The following PHF8 variants were observed in gnomAD, a reference collection of about 807,000 sequenced individuals.
PHF8 encodes PHD finger protein 8.
PHF8 carries 9 observed loss-of-function variants against 74.4 expected under a neutral mutation model. The observed-to-expected ratio is 0.12, with a 90% CI of 0.07 to 0.21. PHF8 has a LOEUF of 0.21. Ranked by LOEUF, PHF8 falls within the 10% of genes least tolerant of loss-of-function variation. The pLI, the probability that PHF8 is intolerant of heterozygous loss-of-function variation, is 1.00. For synonymous variants in PHF8, 311 were observed against 316.6 expected (o/e 0.98, Z 0.19); for missense variants, 478 against 816.6 (o/e 0.59, Z 5.05).
At chrX:53,954,334 C>T (rs1371025064) in intron 19 of PHF8, among the ~76,000 whole-genome samples, 1 of 107,649 alleles carries the variant, frequency 9.3e-6, no homozygotes, top group Non-Finnish European at 1.9e-5. Context: ...CCCATCTCTA[C>T]TAAAAAATAC....
intron 18 of PHF8, among the ~76,000 whole-genome samples, chrX:53,970,080 G>A (rs2065270148): frequency 9.0e-6 from 1 of 111,627 alleles, no homozygotes; most frequent in Non-Finnish European, 1.9e-5. Flanking sequence ...AGATTGTTTT[G>A]GAGTAAGAAC....
At chrX:53,951,456 A>AT (rs1216572234) in intron 19 of PHF8, among the ~76,000 whole-genome samples, 270 of 105,347 alleles carry the variant, frequency 2.6e-3, no homozygotes, top group African/African-American at 8.6e-3. Context: ...GACAACAGAA[A>AT]TTTTTTTTTT....
At chrX:53,985,510 C>G (rs1320478696) in intron 17 of PHF8, among the ~76,000 whole-genome samples, 3 of 111,718 alleles carry the variant, frequency 2.7e-5, no homozygotes, top group African/African-American at 9.8e-5. Context: ...AGGCATGCTG[C>G]ATTCTTTCCT....
rs782291352 is a variant in PHF8, at chrX:53,992,828, A to T, written c.1638T>A (p.Thr546=). The T allele has an allele frequency of 8.4e-7, 1 of 1,188,075 alleles. No homozygotes were observed. Among genetic ancestry groups the T allele is most frequent in the East Asian group, 3.0e-5 (1 of 33,717 alleles). The change falls in exon 14 of 22, where the codon ACT becomes ACA. Residue 546 remains threonine, a synonymous_variant. Transcript: ENST00000338154. The part of the protein sequence containing the change: ...GSFQKAKFNI[T]GACLNDSDDD... ...CATCTGAGTCATTCAAGCAGGCACCAGTGATGTTGAACTGTAGAAGTAGGA... is the reference window on the plus strand; with the variant it reads ...CATCTGAGTCATTCAAGCAGGCACCTGTGATGTTGAACTGTAGAAGTAGGA...
chrX:54,039,622 G>A (rs1557115315), intron 2 of PHF8: 1 of 112,054 alleles, frequency 8.9e-6, no homozygotes, highest in African/African-American at 3.2e-5. Context: ...GTATCTACTA[G>A]GCAAAGATGC....
chrX:54,027,604 A>C (rs146914236), intron 2 of PHF8, among the ~76,000 whole-genome samples: 80 of 111,389 alleles, frequency 7.2e-4, no homozygotes, highest in African/African-American at 2.5e-3. Flanking sequence ...TGCAATAAGT[A>C]CTTCTCTGCT....
intron 18 of PHF8, among the ~76,000 whole-genome samples, chrX:53,967,132 G>A (rs1379277989): frequency 9.1e-6 from 1 of 109,750 alleles, no homozygotes; most frequent in Admixed American, 9.5e-5. Flanking sequence ...CCCCATCCGG[G>A]AGGGAGGTGG....
Position 54,025,699 on chromosome X carries a change from C to T in PHF8, c.99-2856G>A, listed in dbSNP as rs1284571544. Among the ~76,000 whole-genome samples the T allele has an allele frequency of 2.7e-5, 3 of 111,680 alleles. No homozygotes were observed. In the Admixed American group the frequency reaches 2.9e-4, roughly 11 times the overall value. ...CTCATGACCATCCCCCAGACCCTGT[C>T]AACACCAGCAACTGCTGTACCTCTG... is the stretch of plus-strand genomic sequence containing the variant. On this transcript the variant is annotated intron_variant, in intron 2 of 21. Coordinates refer to ENST00000338154, the MANE Select transcript of PHF8 (RefSeq NM_015107.3).
rs782468443 is a variant in PHF8, at chrX:53,989,697, TA to T, written c.1731-1754del. On this transcript the variant is annotated intron_variant, in intron 14 of 21. Coordinates refer to ENST00000338154, the MANE Select transcript of PHF8 (RefSeq NM_015107.3). ...CAGTTAAAAAGAAACATGTTTTTGG[TA>T]AATCAGTAAATTGATACATTTAGCA... 1.3e-3 allele frequency among the ~76,000 whole-genome samples: 151 copies of T among 112,129 alleles called. 1 individual carries two copies. In the Middle Eastern group the frequency reaches 0.028, roughly 21 times the overall value.
chrX:53,989,264 A>G (rs2065621536), intron 14 of PHF8, among the ~76,000 whole-genome samples: 1 of 111,544 alleles, frequency 9.0e-6, no homozygotes, highest in Admixed American at 9.6e-5. Flanking sequence ...CCGGGCCACA[A>G]TTTTTATTTT....
chrX:53,995,230 C>T (rs1569527562), intron 12 of PHF8: 1 of 341,404 alleles, frequency 2.9e-6, no homozygotes, highest in Admixed American at 3.2e-5. Flanking sequence ...AATGCAGAGA[C>T]TGAGTCAAAA....
chrX:54,021,454 A>ATTTTTTTTTT (rs1156928686), intron 4 of PHF8, among the ~76,000 whole-genome samples: 2 of 42,166 alleles, frequency 4.7e-5, no homozygotes, highest in Admixed American at 3.7e-4. Context: ...AGTTGCAATT[A>ATTTTTTTTTT]TTTTTTTTTT....
intron 19 of PHF8, among the ~76,000 whole-genome samples, chrX:53,954,556 G>T (rs1315808524): frequency 1.1e-5 from 1 of 94,478 alleles, no homozygotes; most frequent in Non-Finnish European, 2.1e-5. Flanking sequence ...AACTAGAGAT[G>T]TCGTAACACG....
At chrX:54,021,384 A>G (rs781965546) in intron 4 of PHF8, among the ~76,000 whole-genome samples, 81 of 106,282 alleles carry the variant, frequency 7.6e-4, no homozygotes, top group Non-Finnish European at 1.5e-3. Context: ...CCCAAACCTC[A>G]CACATGCAAT....
chrX:53,992,048 A>G (rs782192638), intron 14 of PHF8, among the ~76,000 whole-genome samples: 1 of 112,235 alleles, frequency 8.9e-6, no homozygotes, highest in Non-Finnish European at 1.9e-5. Context: ...TTCAAAAAAT[A>G]CAAATGTCTA....
At position 53,986,051 on chromosome X, in the gene PHF8, CACCAAGTATAG is replaced by C. The variant is rs782002346; in HGVS notation, c.1996-113_1996-103del. 2.6e-4 allele frequency: 209 copies of C among 792,792 alleles called. 1 individual carries two copies. In the African/African-American group the frequency reaches 3.4e-3, roughly 13 times the overall value. The allele number at this position is 792,792 out of a possible 1,213,427, so 65.3% of individuals were successfully genotyped here. On this transcript the variant is annotated intron_variant, in intron 16 of 21. Coordinates refer to ENST00000338154, the MANE Select transcript of PHF8 (RefSeq NM_015107.3). ...ACTCCTGATATTAATATCTTCTGAG[CACCAAGTATAG>C]ACCAAGTACTAAGCAGAATATTCAT... is the stretch of plus-strand genomic sequence containing the variant.
chrX:54,033,493 T>C (rs1302975874), intron 2 of PHF8, among the ~76,000 whole-genome samples: 1 of 111,604 alleles, frequency 9.0e-6, no homozygotes, highest in Non-Finnish European at 1.9e-5. Flanking sequence ...GGTGGGCAGA[T>C]CACGAGGTCA....
chrX:53,985,984 A>C (rs1557099489), intron 16 of PHF8, 35 bp from the exon 17 acceptor site: 1 of 1,197,779 alleles, frequency 8.3e-7, no homozygotes, highest in Non-Finnish European at 1.1e-6. Flanking sequence ...TCAGCTGCCC[A>C]GGATTGGTCT....
intron 7 of PHF8, 85 bp downstream of exon 7, chrX:54,014,292 G>A: frequency 1.4e-6 from 1 of 708,433 alleles, no homozygotes. Context: ...AAATCAAACT[G>A]ATTCAAAATG....
Sources: allele counts gnomAD v4.1 joint callset (sites outside exome capture counted in the v4.1 genomes callset), GRCh38; gene constraint gnomAD v4.1.1; transcripts MANE v1.5; gene names NCBI Gene and HGNC (gene_info 2026-07-23, HGNC 2026-07-21).